The following SHANK2 variants were observed in gnomAD, a reference collection of about 807,000 sequenced individuals.
SHANK2 encodes SH3 and multiple ankyrin repeat domains 2.
A neutral mutation model predicts 133.7 loss-of-function variants in SHANK2; 43 were observed. That is an observed-to-expected ratio of 0.32 (90% CI 0.25 to 0.41). The LOEUF (loss-of-function observed/expected upper bound fraction) is 0.41. SHANK2 is among the 10% of genes least tolerant of loss of function. The pLI, the probability that SHANK2 is intolerant of heterozygous loss-of-function variation, is 1.00. For synonymous variants in SHANK2, 1,017 were observed against 952.8 expected (o/e 1.07, Z -1.24); for missense variants, 1,994 against 2,235.8 (o/e 0.89, Z 2.18).
intron 15 of SHANK2, among the ~76,000 whole-genome samples, chr11:70,685,256 G>A (rs148589950): frequency 3.9e-5 from 6 of 152,178 alleles, no homozygotes; most frequent in East Asian, 1.9e-4. Context: ...TTTTGAACTC[G>A]CTTTTTCCAC....
chr11:70,914,049 A>G (rs1950233227), intron 10 of SHANK2, among the ~76,000 whole-genome samples: 1 of 152,196 alleles, frequency 6.6e-6, no homozygotes, highest in African/African-American at 2.4e-5. Context: ...CGGCAAGCAG[A>G]GAACAGGGCG....
At chr11:71,075,353 A>C (rs1343647917) in intron 8 of SHANK2, 78 bp from the exon 9 acceptor site, 12 of 143,734 alleles carry the variant, frequency 8.3e-5, no homozygotes, top group Non-Finnish European at 7.5e-5. Flanking sequence ...TACACCAGCC[A>C]CTCGGCTGCT....
chr11:71,227,380 A>C (rs1954658832), intron 1 of SHANK2, among the ~76,000 whole-genome samples: 1 of 152,172 alleles, frequency 6.6e-6, no homozygotes, highest in Non-Finnish European at 1.5e-5. Flanking sequence ...GGATGGAATA[A>C]GATACCTTAT....
intron 15 of SHANK2, among the ~76,000 whole-genome samples, chr11:70,662,894 C>T (rs564697533): frequency 1.4e-4 from 22 of 152,186 alleles, no homozygotes; most frequent in Admixed American, 1.2e-3. Flanking sequence ...CCTGCGGGGG[C>T]AGAAGGGGAG....
intron 10 of SHANK2, chr11:70,943,037 A>G (rs913784167): frequency 2.2e-6 from 1 of 456,532 alleles, no homozygotes; most frequent in Non-Finnish European, 4.4e-6. Flanking sequence ...CCCAGCAAGT[A>G]CTGTGGGAAT....
rs1351358558 is a variant in SHANK2, at chr11:70,472,466, C to T, written c.*403G>A. 2 of 273,500 alleles carry T rather than the reference C, an allele frequency of 7.3e-6. No homozygotes were observed. The highest frequency in any genetic ancestry group is 2.2e-5 in the African/African-American group (1 of 45,042). The allele number at this position is 273,500 out of a possible 1,614,324, so 16.9% of individuals were successfully genotyped here. ...CGGGGCCTGGGGTGGTGAGAGCTGC[C>T]CGGAAAGCAGAGGACGGAGGTCTCA... On this transcript the variant is annotated 3_prime_UTR_variant, in exon 26 of 26. Coordinates refer to ENST00000601538, the MANE Select transcript of SHANK2 (RefSeq NM_012309.5). This position sits in a 1 kb window ranked among gnomAD's most constrained non-coding sequence, Gnocchi z 4.4.
At chr11:70,788,065 A>G (rs1555047086) in intron 14 of SHANK2, among the ~76,000 whole-genome samples, 1 of 152,238 alleles carries the variant, frequency 6.6e-6, no homozygotes. Flanking sequence ...CATGGCCTGC[A>G]GGATGGCGGA....
intron 16 of SHANK2, among the ~76,000 whole-genome samples, chr11:70,660,546 A>G (rs1452237520): frequency 1.3e-5 from 2 of 152,068 alleles, no homozygotes; most frequent in South Asian, 2.1e-4. Flanking sequence ...CTGAACCACT[A>G]CTGCCCAGCA....
chr11:70,785,218 C>A (rs1007173036), intron 14 of SHANK2, among the ~76,000 whole-genome samples: 1 of 152,132 alleles, frequency 6.6e-6, no homozygotes, highest in South Asian at 2.1e-4. Context: ...ACAGGACAGA[C>A]CCCTGGGGGC....
At chr11:71,077,939 A>G (rs1951242832) in intron 8 of SHANK2, among the ~76,000 whole-genome samples, 1 of 152,130 alleles carries the variant, frequency 6.6e-6, no homozygotes, top group Non-Finnish European at 1.5e-5. Flanking sequence ...ACTAATAAAA[A>G]TGAAAATGTG....
At chr11:70,575,398 A>T (rs549117882) in intron 17 of SHANK2, among the ~76,000 whole-genome samples, 35 of 151,620 alleles carry the variant, frequency 2.3e-4, no homozygotes, top group Non-Finnish European at 4.9e-4. Flanking sequence ...GGGTGCCTGT[A>T]ATCCCAGCTA....
At position 71,205,695 on chromosome 11, in the gene SHANK2, C is replaced by G. The variant is rs141903747; in HGVS notation, c.-13+19002G>C. Reference sequence around the variant, plus strand: ...CCAGAGAGGGGTAGGTCTGCTAATGCTCCCTCCCCAACACCTACCAAGGCA... The same window carrying G: ...CCAGAGAGGGGTAGGTCTGCTAATGGTCCCTCCCCAACACCTACCAAGGCA... On this transcript the variant is annotated intron_variant, in intron 2 of 25. Coordinates refer to ENST00000601538, the MANE Select transcript of SHANK2 (RefSeq NM_012309.5). 5.3e-3 allele frequency among the ~76,000 whole-genome samples: 805 copies of G among 152,300 alleles called. 4 individuals carry two copies. The highest frequency in any genetic ancestry group is 0.019 in the African/African-American group (777 of 41,556).
intron 10 of SHANK2, among the ~76,000 whole-genome samples, chr11:70,934,895 C>T (rs948823936): frequency 4.6e-5 from 7 of 152,084 alleles, no homozygotes; most frequent in East Asian, 1.9e-4. Flanking sequence ...TGCATTTTGC[C>T]GGGGACCGCG....
chr11:70,611,966 G>GGGGGAGGC (rs2060663729), intron 17 of SHANK2, among the ~76,000 whole-genome samples: 4 of 143,020 alleles, frequency 2.8e-5, no homozygotes, highest in Non-Finnish European at 6.1e-5. Flanking sequence ...GTGGGGGAGG[G>GGGGGAGGC]GGGGCGGGTG....
chr11:71,209,125 A>G (rs1411850931), intron 2 of SHANK2, among the ~76,000 whole-genome samples: 1 of 152,136 alleles, frequency 6.6e-6, no homozygotes, highest in Non-Finnish European at 1.5e-5. Flanking sequence ...GGCTCTGCTC[A>G]TTTCACCACA....
chr11:71,239,335 G>A, intron 1 of SHANK2, among the ~76,000 whole-genome samples: 1 of 152,220 alleles, frequency 6.6e-6, no homozygotes, highest in Non-Finnish European at 1.5e-5. Flanking sequence ...CTGGCTCACA[G>A]CAGGTACTGA....
At position 70,626,922 on chromosome 11, in the gene SHANK2, G is replaced by A. The variant is rs137969607; in HGVS notation, c.2061+32906C>T. Among the ~76,000 whole-genome samples the A allele has an allele frequency of 8.5e-5, 13 of 152,290 alleles. No individual in the cohort carries two copies. In the East Asian group the frequency reaches 2.5e-3, roughly 29 times the overall value. ...AGACTCCATCCCAGCAAGGATGAAG[G>A]CTGCGGTTCCCAGGTCCTCCGTCAG... On this transcript the variant is annotated intron_variant, in intron 17 of 25. Coordinates refer to ENST00000601538, the MANE Select transcript of SHANK2 (RefSeq NM_012309.5).
intron 17 of SHANK2, among the ~76,000 whole-genome samples, chr11:70,504,200 A>G (rs1291318897): frequency 4.6e-5 from 7 of 152,230 alleles, no homozygotes; most frequent in African/African-American, 1.7e-4. Context: ...CCTGCTATAG[A>G]TTCTTCAAAA....
intron 9 of SHANK2, among the ~76,000 whole-genome samples, chr11:71,061,775 A>G (rs1166670715): frequency 6.6e-6 from 1 of 152,200 alleles, no homozygotes; most frequent in African/African-American, 2.4e-5. Context: ...CACAGAATGC[A>G]GCCTTCTCCA....
Sources: gnomAD v4.1 joint callset for allele counts (sites outside exome capture counted in the v4.1 genomes callset) on GRCh38, gnomAD v4.1.1 for gene constraint, Gnocchi (gnomAD v3.1) non-coding constraint, MANE v1.5 for transcripts, NCBI Gene and HGNC (gene_info 2026-07-23, HGNC 2026-07-21) for gene names.